The following STOML3 variants were observed in gnomAD, a reference collection of about 807,000 sequenced individuals.
STOML3 encodes stomatin like 3.
STOML3 carries 31 observed loss-of-function variants against 29.5 expected under a neutral mutation model. The observed-to-expected ratio is 1.05, with a 90% confidence interval of 0.79 to 1.42. STOML3 has a LOEUF of 1.42. Ranked by LOEUF, STOML3 falls within the 40% of genes most tolerant of loss-of-function variation. STOML3 has a pLI of 0.00. For synonymous variants in STOML3, 122 were observed against 139.8 expected (o/e 0.87, Z 0.90); for missense variants, 380 against 363.0 (o/e 1.05, Z -0.38).
chr13:38,970,273 A>G lies in STOML3; in HGVS notation c.428T>C (p.Leu143Pro). The change falls in exon 5 of 7, where the codon CTG becomes CCG. Residue 143 changes from leucine (L) to proline (P), a missense_variant. Transcript: ENST00000379631. ...GACATTTCTCAGAGTGGTTTGAGCC[A>G]GCAGAAATGTTGCTTGATGGACATC... Reference protein sequence around the residue: ...VNDVHQATFLLAQTTLRNVLG... With the variant: ...VNDVHQATFLPAQTTLRNVLG... The G allele has an allele frequency of 6.2e-7, 1 of 1,614,216 alleles. No homozygotes were observed. The highest frequency in any genetic ancestry group is 8.5e-7 in the Non-Finnish European group (1 of 1,180,032).
chr13:38,988,695 C>T (rs1340118728), intron 1 of STOML3, among the ~76,000 whole-genome samples: 1 of 133,904 alleles, frequency 7.5e-6, no homozygotes, highest in African/African-American at 2.8e-5. Flanking sequence ...ATATCAAACA[C>T]ATCATTAAAA....
chr13:38,972,392 G>T, intron 4 of STOML3, 120 bp downstream of exon 4: 3 of 912,416 alleles, frequency 3.3e-6, no homozygotes, highest in Non-Finnish European at 5.0e-6. Context: ...GCAGGTCTCT[G>T]CGGGTACTCA....
intron 3 of STOML3, among the ~76,000 whole-genome samples, chr13:38,974,697 G>T (rs9576666): frequency 0.16 from 24,549 of 152,104 alleles, 2,515 homozygotes; most frequent in East Asian, 0.3. Context: ...TTGTCCTTAT[G>T]ACATGCTGAG....
At chr13:38,972,635 AAAT>A (rs1307191401) in intron 3 of STOML3, 41 bp from the exon 4 acceptor site, 2 of 1,571,866 alleles carry the variant, frequency 1.3e-6, no homozygotes, top group South Asian at 2.2e-5. Context: ...GCTCTGTTGA[AAAT>A]AACTACAAGT....
Position 38,975,086 on chromosome 13 carries a change from T to A in STOML3, c.229+1454A>T, listed in dbSNP as rs141949188. On this transcript the variant is annotated intron_variant, in intron 3 of 6. Transcript: ENST00000379631. ...GGCTCATGCTTGTAATCCCAGCACT[T>A]TGAGAGGTCGAGACGGGCGGATCAC... 4.9e-3 allele frequency among the ~76,000 whole-genome samples: 741 copies of A among 152,108 alleles called. 9 individuals are homozygous for A. The highest frequency in any genetic ancestry group is 0.017 in the African/African-American group (715 of 41,506).
intron 1 of STOML3, among the ~76,000 whole-genome samples, chr13:38,984,654 G>C (rs1868436959): frequency 1.3e-5 from 2 of 152,110 alleles, no homozygotes; most frequent in Non-Finnish European, 2.9e-5. Flanking sequence ...TGTACAGTAG[G>C]CTGTACCACT....
chr13:38,983,725 T>C (rs143254697), intron 1 of STOML3, among the ~76,000 whole-genome samples: 19 of 152,308 alleles, frequency 1.2e-4, no homozygotes, highest in African/African-American at 4.1e-4. Flanking sequence ...AATTCCATAA[T>C]CCTAAGAGGT....
intron 5 of STOML3, 99 bp downstream of exon 5, chr13:38,970,086 A>C (rs929143322): frequency 1.9e-6 from 2 of 1,080,364 alleles, no homozygotes; most frequent in African/African-American, 3.1e-5. Flanking sequence ...GCAAGCATGC[A>C]TGTGGTGGGG....
In STOML3 at chr13:38,972,556, T is replaced by A; in HGVS notation, c.268A>T (p.Lys90Ter). 3.7e-6 allele frequency: 6 copies of A among 1,614,118 alleles called. No homozygotes were observed. The highest frequency in any genetic ancestry group is 4.2e-6 in the Non-Finnish European group (5 of 1,179,982). Reference protein sequence around the residue: ...LVLPCIDVFVKVDLRTVTCNI... With the variant: ...LVLPCIDVFV ...CAAGTAACTGTTCGGAGGTCAACTT[T>A]GACAAACACATCTATGCATGGCAGG... Residue 90 changes from lysine to a stop codon, truncating the protein, a stop_gained, in exon 4 of 7, where the codon AAA (lysine) becomes TAA (stop). Coordinates refer to ENST00000379631, the MANE Select transcript of STOML3 (RefSeq NM_145286.3). LOFTEE classifies it high-confidence loss of function.
intron 4 of STOML3, 84 bp from the exon 5 acceptor site, chr13:38,970,472 T>A: frequency 8.6e-7 from 1 of 1,163,452 alleles, no homozygotes; most frequent in Non-Finnish European, 1.3e-6. Flanking sequence ...AGAGCCATCC[T>A]CCACAGAAGG....
At chr13:38,988,592 T>A (rs1470598138) in intron 1 of STOML3, among the ~76,000 whole-genome samples, 2 of 116,166 alleles carry the variant, frequency 1.7e-5, no homozygotes, top group Admixed American at 1.0e-4. Context: ...ATTTTATATA[T>A]AATATATTAT....
At chr13:38,979,917 G>C in intron 1 of STOML3, 1 of 824,314 alleles carries the variant, frequency 1.2e-6, no homozygotes. Context: ...CACAGCACAC[G>C]CAGGCAGCTG....
At position 38,988,298 on chromosome 13, in the gene STOML3, C is replaced by A. The variant is rs1279188513; in HGVS notation, c.52+2372G>T. Among the ~76,000 whole-genome samples the A allele has an allele frequency of 2.6e-4, 16 of 62,302 alleles. 1 individual carries two copies. Among genetic ancestry groups the A allele is most frequent in the South Asian group, 6.3e-4 (1 of 1,586 alleles). 40.9% of individuals were successfully genotyped at this position (62,302 alleles called of 152,430 possible). A position where few individuals can be genotyped will look rare whatever the true frequency, so the allele number is the denominator to read the frequency against. On this transcript the variant is annotated intron_variant, in intron 1 of 6. Transcript: ENST00000379631. ...ATATAAAATATATTATATTTTATAT[C>A]ATATATTTTATATATAATATATTAT...
Position 38,966,884 on chromosome 13 carries a change from G to C in STOML3, c.817C>G (p.Leu273Val). The C allele has an allele frequency of 6.2e-7, 1 of 1,613,836 alleles. No individual in the cohort carries two copies. The change falls in exon 7 of 7, where the codon CTA becomes GTA. Residue 273 changes from leucine to valine, a missense_variant. Leu to Val is a conservative substitution (Grantham distance 32, BLOSUM62 1). Coordinates refer to ENST00000379631, the MANE Select transcript of STOML3 (RefSeq NM_145286.3). ...TAGCTGACGCCACCAATGCCCTCTA[G>C]TATATTCATGGGCAGAGGAAACACA... Reference protein sequence around the residue: ...TIVFPLPMNILEGIGGVSYDN... With the variant: ...TIVFPLPMNIVEGIGGVSYDN...
chr13:38,968,613 A>C, intron 5 of STOML3, 79 bp from the exon 6 acceptor site: 2 of 1,520,624 alleles, frequency 1.3e-6, no homozygotes, highest in Non-Finnish European at 1.8e-6. Flanking sequence ...TTATACTTTC[A>C]AGATACATTT....
chr13:38,983,845 TTC>T (rs1486603709), intron 1 of STOML3, among the ~76,000 whole-genome samples: 1 of 152,170 alleles, frequency 6.6e-6, no homozygotes. Flanking sequence ...ACCATTTGCT[TTC>T]TCTCTTTTCT....
intron 1 of STOML3, among the ~76,000 whole-genome samples, chr13:38,985,393 A>G (rs1381684603): frequency 6.6e-6 from 1 of 152,218 alleles, no homozygotes. Flanking sequence ...ACTGCATTCC[A>G]GCCTGGGAAA....
Position 38,970,266 on chromosome 13 carries a change from T to A in STOML3, c.435A>T (p.Gln145His). The A allele has an allele frequency of 6.2e-7, 1 of 1,614,148 alleles. No homozygotes were observed. Residue 145 changes from glutamine to histidine, a missense_variant, in exon 5 of 7, where the codon CAA becomes CAT. Gln to His is a conservative substitution (Grantham distance 24). Transcript: ENST00000379631. ...TCCCTAAGACATTTCTCAGAGTGGT[T>A]TGAGCCAGCAGAAATGTTGCTTGAT... ...DVHQATFLLA[Q>H]TTLRNVLGTQ...
chr13:38,981,727 C>T (rs898650119), intron 1 of STOML3, among the ~76,000 whole-genome samples: 3 of 152,068 alleles, frequency 2.0e-5, no homozygotes, highest in Admixed American at 6.6e-5. Context: ...GATTCCAGTA[C>T]GCAGCTACCA....
Sources: gnomAD v4.1 joint callset for allele counts (sites outside exome capture counted in the v4.1 genomes callset) on GRCh38, gnomAD v4.1.1 for gene constraint, MANE v1.5 for transcripts, NCBI Gene and HGNC (gene_info 2026-07-23, HGNC 2026-07-21) for gene names.